The following ABCF2 variants were observed in gnomAD, a reference collection of about 807,000 sequenced individuals.
ABCF2 encodes ATP binding cassette subfamily F member 2, also known as ATP-binding cassette sub-family F member 2.
A neutral mutation model predicts 76.9 loss-of-function variants in ABCF2; 37 were observed. The observed-to-expected ratio is 0.48, with a 90% CI of 0.37 to 0.63. The LOEUF is 0.63. Among genes scored for constraint, ABCF2 ranks in the 30% least tolerant of loss-of-function variants. The pLI, the probability that ABCF2 is intolerant of heterozygous loss-of-function variation, is 0.00. For synonymous variants in ABCF2, 299 were observed against 283.7 expected (o/e 1.05, Z -0.54); for missense variants, 524 against 782.1 (o/e 0.67, Z 3.94).
chr7:151,211,968 AC>A lies in ABCF2; in HGVS notation c.*2085del. ...CTACTCATTTTTCAAGTGAGAGCAC[AC>A]CAATTCCACCTTTCTGGGCAGCTAC... On this transcript the variant is annotated 3_prime_UTR_variant, in exon 15 of 15. Coordinates refer to ENST00000287844, the MANE Select transcript of ABCF2 (RefSeq NM_007189.3). 1 of 982,804 alleles carries A rather than the reference AC, an allele frequency of 1.0e-6. No individual in the cohort carries two copies. The highest frequency in any genetic ancestry group is 4.7e-5 in the South Asian group (1 of 21,230). 60.9% of individuals were successfully genotyped at this position (982,804 alleles called of 1,614,324 possible).
rs1435992999 is a variant in ABCF2, at chr7:151,211,510, A to G, written c.*2544T>C. ...AATTTTAGAAATATGTATTTTGTGG[A>G]CTTTTAAAGCATTATTTAAATTACC... On this transcript the variant is annotated 3_prime_UTR_variant, in exon 15 of 15. Transcript: ENST00000287844. 1 of 982,764 alleles carries G rather than the reference A, an allele frequency of 1.0e-6. No homozygotes were observed. Among genetic ancestry groups the G allele is most frequent in the Non-Finnish European group, 1.2e-6 (1 of 827,484 alleles). The allele number at this position is 982,764 out of a possible 1,614,324, so 60.9% of individuals were successfully genotyped here. A position where few individuals can be genotyped will look rare whatever the true frequency, so the allele number is the denominator to read the frequency against.
rs114249490 is a variant in ABCF2 at position 151,213,119 on chromosome 7, C to T, written c.*935G>A. ...GCAGTTGGGGCAGAACCTCAGATCA[C>T]AATCAGAAAACCACGCTCCTGGACA... On this transcript the variant is annotated 3_prime_UTR_variant, in exon 15 of 15. Transcript: ENST00000287844. 2.2e-3 allele frequency: 2,207 copies of T among 985,394 alleles called. 49 individuals carry two copies. The African/African-American group carries it at 0.036, about 16-fold the overall frequency. The allele number at this position is 985,394 out of a possible 1,614,324, so 61.0% of individuals were successfully genotyped here.
intron 7 of ABCF2, among the ~76,000 whole-genome samples, chr7:151,219,432 T>A (rs1018074889): frequency 1.3e-5 from 2 of 152,214 alleles, no homozygotes; most frequent in Non-Finnish European, 1.5e-5. Flanking sequence ...CTGGGAATAG[T>A]CCTGAAAATC....
In ABCF2 at chr7:151,224,740, G is replaced by A. The variant is rs779369963; in HGVS notation, c.367+36C>T. The A allele has an allele frequency of 2.6e-6, 4 of 1,568,448 alleles. No homozygotes were observed. In the East Asian group the frequency reaches 9.0e-5, roughly 35 times the overall value. On this transcript the variant is annotated intron_variant, in intron 3 of 14. Coordinates refer to ENST00000287844, the MANE Select transcript of ABCF2 (RefSeq NM_007189.3). ...GCTTGTGAGTGACAGATGAGCTAAG[G>A]AGAGATACCTCCCACCTCCCCTTCC...
intron 1 of ABCF2, 22 bp from the exon 2 acceptor site, chr7:151,226,522 C>A (rs1802375833): frequency 2.6e-6 from 4 of 1,537,344 alleles, no homozygotes; most frequent in Non-Finnish European, 3.5e-6. Context: ...CAAACAGATA[C>A]CCCCAAACCC....
chr7:151,214,920 C>A lies in ABCF2; in HGVS notation c.1693G>T (p.Gly565Cys). 4 of 1,614,180 alleles carry A rather than the reference C, an allele frequency of 2.5e-6. No homozygotes were observed. The highest frequency in any genetic ancestry group is 3.4e-6 in the Non-Finnish European group (4 of 1,180,042). ...LADAINEFEGGMMLVSHDFRL... is the reference protein window; with the variant it reads ...LADAINEFEGCMMLVSHDFRL... ...AAGTCATGGCTGACCAGCATCATAC[C>A]ACCCTCAAACTCATTGATGGCATCT... The change falls in exon 14 of 15, where the codon GGT becomes TGT. Residue 565 changes from glycine to cysteine, a missense_variant. This residue lies in a region of ABCF2 where 194 missense variants were observed against 348.6 expected (regional missense o/e 0.56). Transcript: ENST00000287844. This position sits in a 1 kb window ranked among gnomAD's most constrained non-coding sequence, Gnocchi z 4.9.
Position 151,218,750 on chromosome 7 carries a change from C to G in ABCF2, c.1137+4G>C. 1 of 1,613,868 alleles carries G rather than the reference C, an allele frequency of 6.2e-7. No individual in the cohort carries two copies. Among genetic ancestry groups the G allele is most frequent in the Non-Finnish European group, 8.5e-7 (1 of 1,180,004 alleles). On this transcript the variant is annotated splice_donor_region_variant and intron_variant, in intron 9 of 14. Transcript: ENST00000287844. The stretch of plus-strand genomic sequence containing the variant: ...CAATCACACCCCACCCAATCACACC[C>G]CACCTTATCGCTCACGACCCTCTCT...
At position 151,218,891 on chromosome 7, in the gene ABCF2, G is replaced by C. The variant is rs774611657; in HGVS notation, c.1018-18C>G. The C allele has an allele frequency of 1.2e-6, 2 of 1,612,838 alleles. No individual in the cohort carries two copies. The highest frequency in any genetic ancestry group is 1.7e-6 in the Non-Finnish European group (2 of 1,179,990). On this transcript the variant is annotated intron_variant, in intron 8 of 14. Transcript: ENST00000287844. The stretch of plus-strand genomic sequence containing the variant: ...ATGTAGTTCTAAAAAAGACCAAAGA[G>C]AGCTTGGAGTATGTGCAGGCGCTCA...
chr7:151,224,706 T>A, intron 3 of ABCF2, 70 bp downstream of exon 3: 1 of 1,418,050 alleles, frequency 7.1e-7, no homozygotes, highest in Non-Finnish European at 1.0e-6. Context: ...CAGTTGATGC[T>A]AAATAAATGC....
In ABCF2 at chr7:151,214,996, G is replaced by T; in HGVS notation, c.1617C>A (p.Phe539Leu). The change falls in exon 14 of 15, where the codon TTC (phenylalanine) becomes TTA (leucine). Residue 539 changes from phenylalanine to leucine, a missense_variant. Around this residue, in one of 2 missense-constraint regions of ABCF2, gnomAD observed 194 missense variants for 348.6 expected, o/e 0.56. Transcript: ENST00000287844. This position sits in a 1 kb window ranked among gnomAD's most constrained non-coding sequence, Gnocchi z 4.9. ...CCAGGTGATTGGTGGGTTCATCCAG[G>T]AAGAGCATGTGGGGGTTCTGCCAGG... ...WLAWQNPHML[F>L]LDEPTNHLDI... 1 of 1,614,230 alleles carries T rather than the reference G, an allele frequency of 6.2e-7. No homozygotes were observed. Among genetic ancestry groups the T allele is most frequent in the Non-Finnish European group, 8.5e-7 (1 of 1,180,042 alleles).
intron 7 of ABCF2, among the ~76,000 whole-genome samples, chr7:151,220,816 C>T (rs1476950303): frequency 2.0e-5 from 3 of 152,218 alleles, no homozygotes; most frequent in African/African-American, 4.8e-5. Flanking sequence ...GGCAAAATCC[C>T]GTCTCTACTA....
chr7:151,218,441 G>A, intron 10 of ABCF2, 120 bp downstream of exon 10: 1 of 928,284 alleles, frequency 1.1e-6, no homozygotes, highest in Admixed American at 2.4e-5. Flanking sequence ...TGCCACACCT[G>A]AAAATCCCCC....
intron 7 of ABCF2, among the ~76,000 whole-genome samples, chr7:151,220,588 G>A (rs1221226070): frequency 6.6e-6 from 1 of 152,172 alleles, no homozygotes; most frequent in Non-Finnish European, 1.5e-5. Context: ...GAAAAGGCAA[G>A]GCACAACAGT....
chr7:151,217,425 T>C (rs736053), intron 11 of ABCF2, among the ~76,000 whole-genome samples: 1,624 of 152,358 alleles, frequency 0.011, 24 homozygotes, highest in African/African-American at 0.033. Flanking sequence ...TTTTCATCAA[T>C]ATTAATGAAA....
intron 7 of ABCF2, among the ~76,000 whole-genome samples, 154 bp downstream of exon 7, chr7:151,221,424 A>G (rs1802264777): frequency 6.7e-6 from 1 of 150,306 alleles, no homozygotes; most frequent in Admixed American, 6.6e-5. Context: ...CTGGTCTCAA[A>G]CTCCTGACCT....
rs141378574 is a variant in ABCF2 at position 151,223,949 on chromosome 7, C to T, written c.533G>A (p.Arg178Gln). 1.9e-5 allele frequency: 30 copies of T among 1,613,080 alleles called. No individual in the cohort carries two copies. The highest frequency in any genetic ancestry group is 5.3e-5 in the African/African-American group (4 of 74,916). ...AGCCCTACCATCCTCATGAGCCAGC[C>T]GCTCTGCCTCTTTCTCCAGCATGGC... ...ERAMLEKEAE[R>Q]LAHEDAECEK... Residue 178 changes from arginine to glutamine, a missense_variant, in exon 4 of 15, where the codon CGG becomes CAG. Arg to Gln is a conservative substitution (Grantham distance 43). Coordinates refer to ENST00000287844, the MANE Select transcript of ABCF2 (RefSeq NM_007189.3).
Position 151,215,132 on chromosome 7 carries a change from A to T in ABCF2, c.1531-50T>A. ...TAACTTGGCATTATCCCCGCCAAAC[A>T]GCACAGCTCATCTCTCCCTCATTTC... On this transcript the variant is annotated intron_variant, in intron 13 of 14. Transcript: ENST00000287844. The surrounding 1 kb of genome is among the most constrained non-coding windows in gnomAD (Gnocchi z 4.6). 6.6e-7 allele frequency: 1 copy of T among 1,505,358 alleles called. No individual in the cohort carries two copies. Among genetic ancestry groups the T allele is most frequent in the Non-Finnish European group, 9.1e-7 (1 of 1,098,448 alleles). The allele number at this position is 1,505,358 out of a possible 1,614,324, so 93.3% of individuals were successfully genotyped here.
rs752398993 is a variant in ABCF2, at chr7:151,223,771, C to T, written c.629G>A (p.Arg210Gln). 15 of 1,613,680 alleles carry T rather than the reference C, an allele frequency of 9.3e-6. No homozygotes were observed. Among genetic ancestry groups the T allele is most frequent in the Admixed American group, 5.0e-5 (3 of 59,964 alleles). ...TGTGAAACCCAGTCCATGCAAGATCCGCGAGGCCCTCATCTCTGCCTTGTC... is the reference window on the plus strand; with the variant it reads ...TGTGAAACCCAGTCCATGCAAGATCTGCGAGGCCCTCATCTCTGCCTTGTC... ...DADKAEMRASRILHGLGFTPA... is the reference protein window; with the variant it reads ...DADKAEMRASQILHGLGFTPA... The change falls in exon 5 of 15, where the codon CGG becomes CAG. Residue 210 changes from arginine (R) to glutamine (Q), a missense_variant. By Grantham distance (43) the Arg-to-Gln change is conservative (BLOSUM62 1). This residue lies in a region of ABCF2 where 330 missense variants were observed against 433.6 expected (regional missense o/e 0.76). Coordinates refer to ENST00000287844, the MANE Select transcript of ABCF2 (RefSeq NM_007189.3).
At chr7:151,218,278 C>A in intron 10 of ABCF2, 87 bp from the exon 11 acceptor site, 2 of 978,830 alleles carry the variant, frequency 2.0e-6, no homozygotes, top group South Asian at 1.4e-5. Flanking sequence ...AATTCCCAGT[C>A]ACCAAGAGAG....
Sources: gnomAD v4.1 joint callset for allele counts (sites outside exome capture counted in the v4.1 genomes callset) on GRCh38, gnomAD v4.1.1 for gene constraint, gnomAD v4.1.1 regional missense constraint, Gnocchi (gnomAD v3.1) non-coding constraint, MANE v1.5 for transcripts, NCBI Gene and HGNC (gene_info 2026-07-23, HGNC 2026-07-21) for gene names.